Variants in ZNF521 observed in about 807,000 individuals in gnomAD.
ZNF521 encodes zinc finger protein 521.
In ZNF521, 14 loss-of-function variants were observed where a neutral mutation model predicts 105.5. The ratio of observed to expected loss-of-function variants is 0.13; its 90% confidence interval spans 0.09 to 0.21. The LOEUF (loss-of-function observed/expected upper bound fraction) is 0.21, where lower values mean the gene tolerates loss of function less well. ZNF521 is among the 10% of genes least tolerant of loss of function. ZNF521 has a pLI of 1.00. For missense variants in ZNF521, 1,233 were observed against 1,629.7 expected, an observed-to-expected ratio of 0.76 and a Z score of 4.19; for synonymous variants, 635 against 606.0, an observed-to-expected ratio of 1.05 and a Z score of -0.70.
intron 5 of ZNF521, among the ~76,000 whole-genome samples, chr18:25,105,530 A>G (rs1421213831): frequency 6.6e-6 from 1 of 152,174 alleles, no homozygotes; most frequent in Non-Finnish European, 1.5e-5. Flanking sequence ...ATCTCTGAGG[A>G]TGATTATAAA....
chr18:25,140,667 G>A (rs1452432182), intron 5 of ZNF521, among the ~76,000 whole-genome samples: 1 of 152,178 alleles, frequency 6.6e-6, no homozygotes, highest in Non-Finnish European at 1.5e-5. Flanking sequence ...GAGGGGAGAA[G>A]GCCAGTGCCG....
chr18:25,341,219 C>T (rs962974307), intron 2 of ZNF521, among the ~76,000 whole-genome samples: 1 of 152,206 alleles, frequency 6.6e-6, no homozygotes, highest in African/African-American at 2.4e-5. Context: ...AACCTGCACA[C>T]TATGGACTTT....
At chr18:25,327,377 T>C in intron 2 of ZNF521, 1 of 1,059,722 alleles carries the variant, frequency 9.4e-7, no homozygotes, top group Non-Finnish European at 1.2e-6. Context: ...TCTAATGATG[T>C]TGTATTTAAA....
intron 2 of ZNF521, among the ~76,000 whole-genome samples, chr18:25,336,025 A>G (rs1227153603): frequency 6.6e-6 from 1 of 152,218 alleles, no homozygotes; most frequent in Non-Finnish European, 1.5e-5. Context: ...TTTACTGCAG[A>G]AAGAATAAAG....
In ZNF521 at chr18:25,197,268, C is replaced by T. The variant is rs79743035; in HGVS notation, c.3574-2024G>A. On this transcript the variant is annotated intron_variant, in intron 4 of 7. Coordinates refer to ENST00000361524, the MANE Select transcript of ZNF521 (RefSeq NM_015461.3). Reference sequence around the variant, plus strand: ...TCTTATCTATAAGCTCCTAAAGTTACGGCTAGATAAGAATTTACTGTGATC... The same window carrying T: ...TCTTATCTATAAGCTCCTAAAGTTATGGCTAGATAAGAATTTACTGTGATC... 6.5e-3 allele frequency among the ~76,000 whole-genome samples: 983 copies of T among 151,742 alleles called. 13 individuals are homozygous for T. The highest frequency in any genetic ancestry group is 0.022 in the African/African-American group (931 of 41,450).
At position 25,134,752 on chromosome 18, in the gene ZNF521, C is replaced by A. The variant is rs560043875; in HGVS notation, c.3659-42671G>T. Among the ~76,000 whole-genome samples, 8 of 152,232 alleles carry A rather than the reference C, an allele frequency of 5.3e-5. No individual in the cohort carries two copies. In the East Asian group the frequency reaches 1.5e-3, roughly 29 times the overall value. ...GCCAGCCTCCTCCCCTGGCCACGCC[C>A]CAAGGGATCCAGGCACATTCTGATG... On this transcript the variant is annotated intron_variant, in intron 5 of 7. Coordinates refer to ENST00000361524, the MANE Select transcript of ZNF521 (RefSeq NM_015461.3).
chr18:25,292,861 G>A (rs796284422), intron 3 of ZNF521, among the ~76,000 whole-genome samples: 4 of 152,228 alleles, frequency 2.6e-5, no homozygotes, highest in African/African-American at 9.6e-5. Context: ...GGAAGTCCAA[G>A]ATAAATAAAA....
chr18:25,176,832 C>T (rs528693935), intron 5 of ZNF521, among the ~76,000 whole-genome samples: 2 of 152,356 alleles, frequency 1.3e-5, no homozygotes, highest in East Asian at 3.9e-4. Flanking sequence ...ATTCTAGACA[C>T]TCACACATGC....
intron 3 of ZNF521, among the ~76,000 whole-genome samples, chr18:25,290,947 T>G (rs1313502195): frequency 6.6e-6 from 1 of 152,186 alleles, no homozygotes. Context: ...ATCACTGTAC[T>G]CCATTTTATG....
chr18:25,272,174 T>G (rs1909707218), intron 3 of ZNF521, among the ~76,000 whole-genome samples: 1 of 152,200 alleles, frequency 6.6e-6, no homozygotes, highest in African/African-American at 2.4e-5. Context: ...TCATCATCAC[T>G]GGTTATTAAG....
intron 3 of ZNF521, among the ~76,000 whole-genome samples, chr18:25,266,748 C>T (rs538457944): frequency 7.2e-5 from 11 of 152,220 alleles, no homozygotes; most frequent in Non-Finnish European, 1.6e-4. Flanking sequence ...ACGGTCTTCA[C>T]AACCCACAGA....
At chr18:25,246,628 T>C (rs568606123) in intron 3 of ZNF521, among the ~76,000 whole-genome samples, 1 of 152,204 alleles carries the variant, frequency 6.6e-6, no homozygotes, top group Non-Finnish European at 1.5e-5. Context: ...CCCTCCACCC[T>C]CTCTTAAAGT....
intron 5 of ZNF521, among the ~76,000 whole-genome samples, chr18:25,109,801 T>C (rs1418227123): frequency 1.3e-5 from 2 of 152,166 alleles, no homozygotes; most frequent in African/African-American, 2.4e-5. Context: ...GAATTGTTTG[T>C]TTTTTTCTTG....
intron 5 of ZNF521, among the ~76,000 whole-genome samples, chr18:25,114,270 A>G (rs1708386055): frequency 6.6e-6 from 1 of 152,188 alleles, no homozygotes; most frequent in Non-Finnish European, 1.5e-5. Flanking sequence ...CCTGCTTTCC[A>G]ATGCTGCAAT....
chr18:25,222,572 C>T (rs1905803350), intron 4 of ZNF521, among the ~76,000 whole-genome samples: 1 of 152,184 alleles, frequency 6.6e-6, no homozygotes, highest in African/African-American at 2.4e-5. Flanking sequence ...CACAGACACA[C>T]AGACTAATGC....
At chr18:25,335,833 T>G (rs1250621217) in intron 2 of ZNF521, among the ~76,000 whole-genome samples, 1 of 152,130 alleles carries the variant, frequency 6.6e-6, no homozygotes, top group Non-Finnish European at 1.5e-5. Context: ...ACCGGACAAG[T>G]GAATGCCAAG....
intron 7 of ZNF521, among the ~76,000 whole-genome samples, chr18:25,084,887 G>C (rs1376657489): frequency 6.6e-6 from 1 of 152,130 alleles, no homozygotes; most frequent in Non-Finnish European, 1.5e-5. Flanking sequence ...AACACCACTT[G>C]CTCACACCTG....
chr18:25,323,669 C>G (rs1568078640), intron 2 of ZNF521, among the ~76,000 whole-genome samples: 1 of 152,102 alleles, frequency 6.6e-6, no homozygotes, highest in Non-Finnish European at 1.5e-5. Flanking sequence ...CAAAAATAAC[C>G]AAGTATTTCT....
At position 25,225,330 on chromosome 18, in the gene ZNF521, G is replaced by A; in HGVS notation, c.2588C>T (p.Thr863Ile). 6.2e-7 allele frequency: 1 copy of A among 1,614,138 alleles called. No individual in the cohort carries two copies. The highest frequency in any genetic ancestry group is 1.1e-5 in the South Asian group (1 of 91,074). Residue 863 changes from threonine (T) to isoleucine (I), a missense_variant, in exon 4 of 8, where the codon ACC becomes ATC. This residue lies in a region of ZNF521 where 614 missense variants were observed against 751.5 expected (regional missense o/e 0.82). Transcript: ENST00000361524. This position sits in a 1 kb window ranked among gnomAD's most constrained non-coding sequence, Gnocchi z 5.6. Reference protein sequence around the residue: ...KEEVELQTLLTNSQESHNSHD... With the variant: ...KEEVELQTLLINSQESHNSHD... ...ACTGTTGTGGGACTCCTGGCTGTTG[G>A]TCAGCAAAGTCTGCAGCTCCACTTC...
Sources: allele counts gnomAD v4.1 joint callset (sites outside exome capture counted in the v4.1 genomes callset), GRCh38; gene constraint gnomAD v4.1.1; regional missense constraint gnomAD v4.1.1; non-coding constraint Gnocchi (gnomAD v3.1); transcripts MANE v1.5; gene names NCBI Gene and HGNC (gene_info 2026-07-23, HGNC 2026-07-21).